ST8SIA5: variants seen among roughly 807,000 people sequenced by gnomAD.
ST8SIA5 encodes alpha-2,8-sialyltransferase 8E.
ST8SIA5 carries 24 observed loss-of-function variants against 40.2 expected under a neutral mutation model. The ratio of observed to expected loss-of-function variants is 0.60; its 90% CI spans 0.43 to 0.84. The LOEUF (loss-of-function observed/expected upper bound fraction) is 0.84. Ranked by LOEUF, ST8SIA5 falls within the 40% of genes least tolerant of loss-of-function variation. The pLI is 0.00. For missense variants in ST8SIA5, 465 were observed against 498.5 expected (o/e 0.93, Z 0.64); for synonymous variants, 198 against 201.8 (o/e 0.98, Z 0.16).
At chr18:46,682,847 G>T (rs566929751) in intron 5 of ST8SIA5, among the ~76,000 whole-genome samples, 1 of 152,202 alleles carries the variant, frequency 6.6e-6, no homozygotes, top group African/African-American at 2.4e-5. Flanking sequence ...TCCACTGTGG[G>T]CTTTGCCATG....
intron 1 of ST8SIA5, among the ~76,000 whole-genome samples, chr18:46,707,569 G>A (rs958595350): frequency 5.3e-5 from 8 of 152,120 alleles, no homozygotes; most frequent in Non-Finnish European, 1.0e-4. Flanking sequence ...ACCTTGTGCC[G>A]TGGTTTTGGT....
intron 1 of ST8SIA5, among the ~76,000 whole-genome samples, chr18:46,716,871 G>C (rs2039797317): frequency 6.6e-6 from 1 of 152,272 alleles, no homozygotes; most frequent in Non-Finnish European, 1.5e-5. Context: ...GGCTAGCAGG[G>C]AAGGCTTCAA....
rs765843572 is a variant in ST8SIA5 at position 46,682,008 on chromosome 18, T to G, written c.626A>C (p.Asp209Ala). ...KYTMDVGVKT[D>A]VVTVNPSIIT... ...GATGCTGGGGTTCACAGTGACCACATCCGTCTTCACCCCCACATCCATGGT... is the reference window on the plus strand; with the variant it reads ...GATGCTGGGGTTCACAGTGACCACAGCCGTCTTCACCCCCACATCCATGGT... The change falls in exon 6 of 7, where the codon GAT becomes GCT. Residue 209 changes from aspartate to alanine, a missense_variant. Physicochemically the swap from Asp to Ala is moderately radical, Grantham distance 126 (BLOSUM62 -2). Coordinates refer to ENST00000315087, the MANE Select transcript of ST8SIA5 (RefSeq NM_013305.6). The G allele has an allele frequency of 3.7e-6, 6 of 1,613,856 alleles. No individual in the cohort carries two copies. The highest frequency in any genetic ancestry group is 1.3e-5 in the African/African-American group (1 of 74,920).
chr18:46,692,632 A>C (rs1363674560), intron 2 of ST8SIA5, among the ~76,000 whole-genome samples: 4 of 151,856 alleles, frequency 2.6e-5, no homozygotes, highest in Non-Finnish European at 5.9e-5. Context: ...CGAGCTCCTG[A>C]CCTCAAGGGA....
intron 1 of ST8SIA5, among the ~76,000 whole-genome samples, chr18:46,739,403 A>T (rs919800082): frequency 6.6e-6 from 1 of 152,116 alleles, no homozygotes; most frequent in Non-Finnish European, 1.5e-5. Context: ...TTAAATTGGC[A>T]TGAGCCTGTA....
intron 3 of ST8SIA5, among the ~76,000 whole-genome samples, chr18:46,689,475 T>A (rs906099067): frequency 1.3e-5 from 2 of 152,078 alleles, no homozygotes; most frequent in Non-Finnish European, 2.9e-5. Flanking sequence ...TCTCTCTTTC[T>A]CTCTGGGCCC....
intron 1 of ST8SIA5, among the ~76,000 whole-genome samples, chr18:46,729,119 C>T (rs2039961222): frequency 6.6e-6 from 1 of 152,118 alleles, no homozygotes; most frequent in African/African-American, 2.4e-5. Flanking sequence ...CCACCACTTC[C>T]CTGAGGCCCT....
chr18:46,700,509 C>A (rs1715041336), intron 2 of ST8SIA5, among the ~76,000 whole-genome samples: 1 of 152,176 alleles, frequency 6.6e-6, no homozygotes, highest in Non-Finnish European at 1.5e-5. Context: ...AGGCCGGCCT[C>A]TGCAGCTCTC....
At chr18:46,732,473 C>T (rs76405619) in intron 1 of ST8SIA5, among the ~76,000 whole-genome samples, 7,002 of 152,240 alleles carry the variant, frequency 0.046, 251 homozygotes, top group Non-Finnish European at 0.07. Context: ...TGGCCTCATG[C>T]ACAACACACC....
intron 1 of ST8SIA5, among the ~76,000 whole-genome samples, chr18:46,720,218 C>T (rs768756176): frequency 9.9e-5 from 15 of 152,178 alleles, no homozygotes; most frequent in Non-Finnish European, 2.1e-4. Flanking sequence ...TGCTGACTTA[C>T]CTAGACTGCT....
intron 1 of ST8SIA5, chr18:46,730,280 C>T (rs2039973488): frequency 9.2e-6 from 9 of 983,260 alleles, no homozygotes; most frequent in Non-Finnish European, 1.1e-5. Flanking sequence ...CAGTGTGACT[C>T]TCAGCATTGA....
chr18:46,709,949 G>A (rs1448117155), intron 1 of ST8SIA5, among the ~76,000 whole-genome samples: 1 of 152,064 alleles, frequency 6.6e-6, no homozygotes. Context: ...ACAAGATTGA[G>A]GGAAGCACTT....
At chr18:46,687,156 T>C (rs1468024760) in intron 4 of ST8SIA5, among the ~76,000 whole-genome samples, 2 of 152,164 alleles carry the variant, frequency 1.3e-5, no homozygotes, top group African/African-American at 4.8e-5. Context: ...CAGGAATGGA[T>C]TTTATATTTT....
intron 3 of ST8SIA5, among the ~76,000 whole-genome samples, chr18:46,690,765 C>T (rs1224187159): frequency 6.6e-6 from 1 of 152,028 alleles, no homozygotes; most frequent in Admixed American, 6.6e-5. Flanking sequence ...AGGTGTGCAC[C>T]ACCACACCTG....
At chr18:46,693,336 G>A (rs563650409) in intron 2 of ST8SIA5, among the ~76,000 whole-genome samples, 1 of 152,184 alleles carries the variant, frequency 6.6e-6, no homozygotes, top group South Asian at 2.1e-4. Context: ...TCATGAGCAG[G>A]GCATGCCCTT....
At chr18:46,704,948 GT>G (rs1297008429) in intron 1 of ST8SIA5, among the ~76,000 whole-genome samples, 1 of 152,200 alleles carries the variant, frequency 6.6e-6, no homozygotes, top group Non-Finnish European at 1.5e-5. Context: ...AGCAGGTTTG[GT>G]TCCAAGTTTG....
At position 46,735,266 on chromosome 18, in the gene ST8SIA5, G is replaced by T. The variant is rs8083658; in HGVS notation, c.131+21112C>A. 1.5e-3 allele frequency among the ~76,000 whole-genome samples: 221 copies of T among 152,346 alleles called. 1 individual carries two copies. Among genetic ancestry groups the T allele is most frequent in the African/African-American group, 5.1e-3 (214 of 41,582 alleles). On this transcript the variant is annotated intron_variant, in intron 1 of 6. Coordinates refer to ENST00000315087, the MANE Select transcript of ST8SIA5 (RefSeq NM_013305.6). The stretch of plus-strand genomic sequence containing the variant: ...GACTGGCTTCCTTGCTCCTCAGCTT[G>T]TAGATGGCCTATTGTGGGACTTCGC...
chr18:46,722,583 G>A (rs2039874413), intron 1 of ST8SIA5, among the ~76,000 whole-genome samples: 1 of 152,194 alleles, frequency 6.6e-6, no homozygotes, highest in Non-Finnish European at 1.5e-5. Context: ...ATTGCCCCAG[G>A]GCAGGCTTTC....
In ST8SIA5 at chr18:46,680,058, G is replaced by A. The variant is rs761496260; in HGVS notation, c.1115C>T (p.Thr372Ile). The change falls in exon 7 of 7, where the codon ACC becomes ATC. Residue 372 changes from threonine to isoleucine, a missense_variant. Coordinates refer to ENST00000315087, the MANE Select transcript of ST8SIA5 (RefSeq NM_013305.6). ...TGGCAGCCATCAGCAGCAGCTGCAGGTGCCCGTGTGCACGCGGAGGATGCC... is the reference window on the plus strand; with the variant it reads ...TGGCAGCCATCAGCAGCAGCTGCAGATGCCCGTGTGCACGCGGAGGATGCC... ...SRGILRVHTG[T>I]CSCC The A allele has an allele frequency of 3.1e-6, 5 of 1,606,660 alleles. No individual in the cohort carries two copies. In the Admixed American group the frequency reaches 8.4e-5, roughly 27 times the overall value.
Sources: gnomAD v4.1 joint callset for allele counts (sites outside exome capture counted in the v4.1 genomes callset) on GRCh38, gnomAD v4.1.1 for gene constraint, MANE v1.5 for transcripts, NCBI Gene and HGNC (gene_info 2026-07-23, HGNC 2026-07-21) for gene names.